The following KSR2 variants were observed in gnomAD, a reference collection of about 807,000 sequenced individuals.
KSR2 encodes the protein kinase suppressor of ras 2.
In KSR2, 25 loss-of-function variants were observed where a neutral mutation model predicts 107.8. That is an observed-to-expected ratio of 0.23 (90% CI 0.17 to 0.32). The LOEUF is 0.32. Among genes scored for constraint, KSR2 ranks in the 10% least tolerant of loss-of-function variants. The pLI, the probability that KSR2 is intolerant of heterozygous loss-of-function variation, is 1.00. For missense variants in KSR2, 887 were observed against 1,268.9 expected (o/e 0.70, Z 4.57); for synonymous variants, 480 against 507.0 (o/e 0.95, Z 0.71).
chr12:117,601,679 T>C (rs1037015719), intron 5 of KSR2, among the ~76,000 whole-genome samples: 2 of 152,114 alleles, frequency 1.3e-5, no homozygotes, highest in African/African-American at 2.4e-5. Flanking sequence ...GCCTACATCT[T>C]GATTTTTGGA....
At chr12:117,625,022 T>C (rs1044638752) in intron 5 of KSR2, among the ~76,000 whole-genome samples, 1 of 152,210 alleles carries the variant, frequency 6.6e-6, no homozygotes, top group African/African-American at 2.4e-5. Flanking sequence ...TAATGGTGTA[T>C]AGGAATGCTT....
At chr12:117,739,247 CGGGAGGCTGA>C (rs1888073669) in intron 4 of KSR2, among the ~76,000 whole-genome samples, 1 of 151,812 alleles carries the variant, frequency 6.6e-6, no homozygotes, top group Non-Finnish European at 1.5e-5. Context: ...CCCAGCTACT[CGGGAGGCTGA>C]GGCAGGAGAA....
intron 7 of KSR2, among the ~76,000 whole-genome samples, chr12:117,575,184 A>G (rs1879199899): frequency 1.3e-5 from 2 of 152,206 alleles, no homozygotes; most frequent in Admixed American, 6.5e-5. Flanking sequence ...CATAGAAACT[A>G]GGGAAGGGAT....
Position 117,714,071 on chromosome 12 carries a change from G to A in KSR2, c.987-46413C>T, listed in dbSNP as rs376551942. ...GATTTGGGGGCGGGATGGAGTGAGGGGGGGAGCAGCAGCTCTTCATTATCA... is the reference window on the plus strand; with the variant it reads ...GATTTGGGGGCGGGATGGAGTGAGGAGGGGAGCAGCAGCTCTTCATTATCA... On this transcript the variant is annotated intron_variant, in intron 4 of 19. Coordinates refer to ENST00000339824, the MANE Select transcript of KSR2 (RefSeq NM_173598.6). Among the ~76,000 whole-genome samples, 4 of 152,076 alleles carry A rather than the reference G, an allele frequency of 2.6e-5. 1 individual carries two copies. The highest frequency in any genetic ancestry group is 4.2e-4 in the South Asian group (2 of 4,806).
intron 4 of KSR2, among the ~76,000 whole-genome samples, chr12:117,701,586 G>T (rs763005248): frequency 3.0e-4 from 46 of 152,178 alleles, no homozygotes; most frequent in Non-Finnish European, 5.7e-4. Context: ...GGGGCAAAAG[G>T]GGGGTCCTTA....
intron 9 of KSR2, among the ~76,000 whole-genome samples, chr12:117,546,184 C>T (rs1876855245): frequency 6.6e-6 from 1 of 152,182 alleles, no homozygotes; most frequent in African/African-American, 2.4e-5. Context: ...AGTTTTCCTT[C>T]ATCTGACAAT....
rs145950056 is a variant in KSR2 at position 117,835,310 on chromosome 12, T to C, written c.472+20118A>G. Among the ~76,000 whole-genome samples the C allele has an allele frequency of 3.5e-3, 539 of 152,242 alleles. 5 individuals carry two copies. The highest frequency in any genetic ancestry group is 0.012 in the African/African-American group (512 of 41,550). ...GAGACAGGGAGAGATGGTGCATGTA[T>C]GTGTGTGCATGGCGAGTTGGAGGGA... On this transcript the variant is annotated intron_variant, in intron 3 of 19. Coordinates refer to ENST00000339824, the MANE Select transcript of KSR2 (RefSeq NM_173598.6).
intron 1 of KSR2, among the ~76,000 whole-genome samples, chr12:117,956,770 A>C (rs1348035052): frequency 1.3e-5 from 2 of 152,102 alleles, no homozygotes; most frequent in Non-Finnish European, 2.9e-5. Flanking sequence ...TCTCTTAAAA[A>C]AATTTTTTTT....
intron 5 of KSR2, among the ~76,000 whole-genome samples, chr12:117,662,086 C>A (rs1884456339): frequency 6.6e-6 from 1 of 152,108 alleles, no homozygotes; most frequent in Non-Finnish European, 1.5e-5. Context: ...TCTGCTGAGT[C>A]CCCAGGGGAA....
chr12:117,930,840 G>A (rs1215070460), intron 1 of KSR2, among the ~76,000 whole-genome samples: 2 of 152,174 alleles, frequency 1.3e-5, no homozygotes, highest in Non-Finnish European at 2.9e-5. Context: ...CTTGAACCCA[G>A]GAAGTGGAGG....
chr12:117,476,666 C>T, intron 16 of KSR2, 71 bp from the exon 17 acceptor site: 6 of 1,476,498 alleles, frequency 4.1e-6, no homozygotes, highest in Non-Finnish European at 5.5e-6. Flanking sequence ...GGCACTGACC[C>T]TACGTCCCTG....
chr12:117,574,638 C>T (rs1464878242), intron 7 of KSR2, among the ~76,000 whole-genome samples: 8 of 152,110 alleles, frequency 5.3e-5, no homozygotes, highest in Non-Finnish European at 1.2e-4. Flanking sequence ...TCCCACAACA[C>T]GTGGGAATTA....
intron 4 of KSR2, among the ~76,000 whole-genome samples, chr12:117,692,509 C>CAA: frequency 9.2e-6 from 1 of 108,464 alleles, no homozygotes; most frequent in African/African-American, 3.3e-5. Context: ...TATATATACA[C>CAA]ACACACATAT....
intron 5 of KSR2, among the ~76,000 whole-genome samples, chr12:117,623,436 A>T (rs1882300082): frequency 6.6e-6 from 1 of 152,012 alleles, no homozygotes; most frequent in Admixed American, 6.6e-5. Flanking sequence ...TGTCCAAGTG[A>T]TCTCATTGGT....
At chr12:117,943,392 T>C (rs1403044334) in intron 1 of KSR2, among the ~76,000 whole-genome samples, 1 of 144,676 alleles carries the variant, frequency 6.9e-6, no homozygotes, top group African/African-American at 2.6e-5. Context: ...ACAAAAGCTA[T>C]AGAAGAAACT....
chr12:117,762,359 A>G (rs1889066809), intron 3 of KSR2, among the ~76,000 whole-genome samples: 2 of 152,176 alleles, frequency 1.3e-5, no homozygotes, highest in Non-Finnish European at 2.9e-5. Context: ...CTGTGTCGCC[A>G]TGTTCTTATT....
intron 9 of KSR2, among the ~76,000 whole-genome samples, chr12:117,544,013 C>A (rs1292677649): frequency 2.6e-5 from 4 of 152,114 alleles, no homozygotes; most frequent in Non-Finnish European, 4.4e-5. Context: ...ATTAAGGGAC[C>A]ACCCTTCCAG....
chr12:117,685,547 C>G (rs965963557), intron 4 of KSR2, among the ~76,000 whole-genome samples: 7 of 152,236 alleles, frequency 4.6e-5, no homozygotes, highest in African/African-American at 1.7e-4. Context: ...AAGTGATGGG[C>G]CCCCAGAGAA....
intron 1 of KSR2, among the ~76,000 whole-genome samples, chr12:117,868,613 T>G (rs1893552636): frequency 6.6e-6 from 1 of 152,076 alleles, no homozygotes; most frequent in Non-Finnish European, 1.5e-5. Flanking sequence ...AGAAGTTAAG[T>G]CATTTGCTCA....
Sources: allele counts gnomAD v4.1 joint callset (sites outside exome capture counted in the v4.1 genomes callset), GRCh38; gene constraint gnomAD v4.1.1; transcripts MANE v1.5; gene names NCBI Gene and HGNC (gene_info 2026-07-23, HGNC 2026-07-21).